The following NME2 variants were observed in gnomAD, a reference collection of about 807,000 sequenced individuals.
The protein encoded by NME2 is NME/NM23 nucleoside diphosphate kinase 2.
NME2 carries 18 observed loss-of-function variants against 17.8 expected under a neutral mutation model. The ratio of observed to expected loss-of-function variants is 1.01; its 90% CI spans 0.70 to 1.50. NME2 has a LOEUF of 1.50. Ranked by LOEUF, NME2 falls within the 40% of genes most tolerant of loss-of-function variation. The pLI, the probability that NME2 is intolerant of heterozygous loss-of-function variation, is 0.00. For synonymous variants in NME2, 74 were observed against 71.4 expected, an observed-to-expected ratio of 1.04 and a Z score of -0.19; for missense variants, 161 against 195.6, an observed-to-expected ratio of 0.82 and a Z score of 1.05.
chr17:51,171,282 C>T (rs2050063964), intron 4 of NME2, among the ~76,000 whole-genome samples: 2 of 152,100 alleles, frequency 1.3e-5, no homozygotes, highest in Non-Finnish European at 2.9e-5. Context: ...AAGCATAATA[C>T]AGTTGAAACA....
At chr17:51,171,406 G>C (rs1383233431) in intron 4 of NME2, 81 bp from the exon 5 acceptor site, 1 of 1,200,310 alleles carries the variant, frequency 8.3e-7, no homozygotes, top group African/African-American at 1.5e-5. Context: ...GAAAGAGTCT[G>C]GAGTGCTGTC....
At chr17:51,167,174 C>T (rs1237205040) in intron 2 of NME2, 20 of 1,064,176 alleles carry the variant, frequency 1.9e-5, no homozygotes, top group Non-Finnish European at 2.5e-5. Context: ...TAGCGTGACT[C>T]GCCCTCCGGG....
intron 2 of NME2, chr17:51,167,195 T>A: frequency 1.2e-6 from 1 of 857,794 alleles, no homozygotes; most frequent in Non-Finnish European, 1.6e-6. Flanking sequence ...TTTGGGTTCC[T>A]TCCCGCGGGC....
intron 1 of NME2, 37 bp downstream of exon 1, chr17:51,166,534 C>G (rs2049941031): frequency 9.7e-6 from 2 of 206,236 alleles, no homozygotes; most frequent in Non-Finnish European, 1.9e-5. Flanking sequence ...GCGACTCCTC[C>G]CGTTCCCTCT....
chr17:51,167,861 G>A (rs926240504), intron 2 of NME2, among the ~76,000 whole-genome samples: 3 of 152,112 alleles, frequency 2.0e-5, no homozygotes, highest in Admixed American at 6.5e-5. Flanking sequence ...ATGGTTGAGT[G>A]CATCTGTAGT....
chr17:51,170,787 C>CAAA (rs34260519), intron 4 of NME2, among the ~76,000 whole-genome samples: 2 of 64,326 alleles, frequency 3.1e-5, no homozygotes, highest in Non-Finnish European at 7.6e-5. Context: ...AACTCCGTCT[C>CAAA]AAAAAAAAAA....
chr17:51,167,019 C>T (rs1167907011), intron 2 of NME2, 63 bp downstream of exon 2: 4 of 1,608,354 alleles, frequency 2.5e-6, no homozygotes, highest in Non-Finnish European at 3.4e-6. Flanking sequence ...TCCCTCCCGG[C>T]GGCGGTTTGT....
chr17:51,167,061 C>G (rs2144882840), intron 2 of NME2, 105 bp downstream of exon 2: 1 of 1,598,138 alleles, frequency 6.3e-7, no homozygotes, highest in Non-Finnish European at 8.5e-7. Flanking sequence ...ATTTCGCTGC[C>G]GCGAAATCCC....
In NME2 at chr17:51,171,717, T is replaced by C; in HGVS notation, c.*113T>C. The C allele has an allele frequency of 1.3e-6, 1 of 793,554 alleles. No individual in the cohort carries two copies. Among genetic ancestry groups the C allele is most frequent in the Non-Finnish European group, 2.1e-6 (1 of 487,636 alleles). 49.2% of individuals were successfully genotyped at this position (793,554 alleles called of 1,614,324 possible). A position where few individuals can be genotyped will look rare whatever the true frequency, so the allele number is the denominator to read the frequency against. Reference sequence around the variant, plus strand: ...ATTGATCATTCTTTTATAGAGCATATTTGCCAATAAAGCTTTTGGAAGCCG... The same window carrying C: ...ATTGATCATTCTTTTATAGAGCATACTTGCCAATAAAGCTTTTGGAAGCCG... On this transcript the variant is annotated 3_prime_UTR_variant, in exon 5 of 5. Coordinates refer to ENST00000512737, the MANE Select transcript of NME2 (RefSeq NM_002512.4).
chr17:51,167,056 G>A, intron 2 of NME2, 100 bp downstream of exon 2: 1 of 1,600,272 alleles, frequency 6.2e-7, no homozygotes. Flanking sequence ...AGTTCATTTC[G>A]CTGCCGCGAA....
chr17:51,168,483 G>C, intron 3 of NME2, 140 bp downstream of exon 3: 1 of 814,998 alleles, frequency 1.2e-6, no homozygotes, highest in Non-Finnish European at 1.9e-6. Context: ...AGGAGCTTGG[G>C]AGGAGAAAGC....
intron 1 of NME2, 88 bp downstream of exon 1, chr17:51,166,585 C>G: frequency 3.6e-6 from 1 of 280,928 alleles, no homozygotes; most frequent in South Asian, 1.6e-4. Flanking sequence ...CTGTGGGCGC[C>G]CCCCGATTTC....
At chr17:51,170,431 C>T (rs769649928) in intron 4 of NME2, among the ~76,000 whole-genome samples, 1 of 151,998 alleles carries the variant, frequency 6.6e-6, no homozygotes, top group Admixed American at 6.6e-5. Flanking sequence ...TGAGCCACCG[C>T]ACTTGGCCTG....
intron 3 of NME2, chr17:51,169,471 A>T (rs1290171243): frequency 1.3e-5 from 2 of 155,712 alleles, no homozygotes; most frequent in East Asian, 3.8e-4. Flanking sequence ...TGGAGAGAGT[A>T]AAATAGGGAG....
chr17:51,169,661 T>A (rs755275080), intron 3 of NME2: 8 of 331,536 alleles, frequency 2.4e-5, no homozygotes, highest in African/African-American at 4.5e-5. Context: ...CTTCACCAGT[T>A]CTTCTGTGTT....
At chr17:51,167,206 C>G (rs1385115428) in intron 2 of NME2, 2 of 753,034 alleles carry the variant, frequency 2.7e-6, no homozygotes, top group South Asian at 2.0e-5. Flanking sequence ...TCCCGCGGGC[C>G]GCTACCTGCC....
Position 51,168,226 on chromosome 17 carries a change from T to G in NME2, c.127-16T>G, listed in dbSNP as rs745569219. 29 of 1,613,080 alleles carry G rather than the reference T, an allele frequency of 1.8e-5. No individual in the cohort carries two copies. The highest frequency in any genetic ancestry group is 2.5e-5 in the Non-Finnish European group (29 of 1,179,472). The stretch of plus-strand genomic sequence containing the variant: ...TCCAGCTTAGCTCCTAACTGGTGCC[T>G]CCTCTCCAATGCCAGGCCTCTGAAG... On this transcript the variant is annotated splice_polypyrimidine_tract_variant and intron_variant, in intron 2 of 4. Transcript: ENST00000512737.
intron 4 of NME2, among the ~76,000 whole-genome samples, chr17:51,170,395 C>T (rs1474328378): frequency 6.6e-6 from 1 of 151,866 alleles, no homozygotes; most frequent in Non-Finnish European, 1.5e-5. Context: ...CTGCCTCGGC[C>T]CCCCAAGGTG....
intron 2 of NME2, among the ~76,000 whole-genome samples, chr17:51,167,538 G>A (rs992911977): frequency 1.3e-5 from 2 of 152,124 alleles, no homozygotes; most frequent in African/African-American, 4.8e-5. Context: ...AGTAGCCCAG[G>A]GGAGTTTAAC....
Sources: gnomAD v4.1 joint callset for allele counts (sites outside exome capture counted in the v4.1 genomes callset) on GRCh38, gnomAD v4.1.1 for gene constraint, MANE v1.5 for transcripts, NCBI Gene and HGNC (gene_info 2026-07-23, HGNC 2026-07-21) for gene names.